The following TENM3 variants were observed in gnomAD, a reference collection of about 807,000 sequenced individuals.
The protein encoded by TENM3 is teneurin transmembrane protein 3.
In TENM3, 63 loss-of-function variants were observed where a neutral mutation model predicts 255.1. The observed-to-expected ratio is 0.25, with a 90% CI of 0.20 to 0.30. TENM3 has a LOEUF of 0.30. TENM3 is among the 10% of genes least tolerant of loss of function. The pLI, the probability that TENM3 is intolerant of heterozygous loss-of-function variation, is 1.00. For synonymous variants in TENM3, 1,306 were observed against 1,322.3 expected (o/e 0.99, Z 0.27); for missense variants, 2,929 against 3,461.1 (o/e 0.85, Z 3.86).
At chr4:182,389,263 G>A (rs1205774421) in intron 3 of TENM3, among the ~76,000 whole-genome samples, 1 of 151,906 alleles carries the variant, frequency 6.6e-6, no homozygotes, top group Non-Finnish European at 1.5e-5. Context: ...CCCACCAGCT[G>A]CCCTTTCCAC....
chr4:182,385,328 G>A (rs891305567), intron 3 of TENM3, among the ~76,000 whole-genome samples: 2 of 132,700 alleles, frequency 1.5e-5, no homozygotes, highest in African/African-American at 5.6e-5. Flanking sequence ...GCAGAGGCAC[G>A]ATCTCCACTC....
chr4:182,297,028 T>C (rs1761539166), intron 1 of TENM3, among the ~76,000 whole-genome samples: 1 of 152,224 alleles, frequency 6.6e-6, no homozygotes, highest in Non-Finnish European at 1.5e-5. Context: ...CCATATTTTA[T>C]AGTTAATCTC....
chr4:182,244,009 AGTGGC>A (rs1055823292), intron 1 of TENM3, among the ~76,000 whole-genome samples: 3 of 130,328 alleles, frequency 2.3e-5, no homozygotes, highest in African/African-American at 9.1e-5. Flanking sequence ...GCTGGAGTGC[AGTGGC>A]GTGACCTCGG....
At chr4:182,050,435 T>C in the TENM3 span, among the ~76,000 whole-genome samples, 11 of 152,218 alleles carry the variant, frequency 7.2e-5, no homozygotes, top group African/African-American at 2.7e-4. Flanking sequence ...CAGTGATTCA[T>C]GATACAGCAA....
chr4:181,617,106 C>G, the TENM3 span, among the ~76,000 whole-genome samples: 1 of 152,110 alleles, frequency 6.6e-6, no homozygotes, highest in South Asian at 2.1e-4. Context: ...CACCAATCTT[C>G]ACAAAATTAT....
At chr4:182,034,179 T>G in the TENM3 span, among the ~76,000 whole-genome samples, 1 of 152,138 alleles carries the variant, frequency 6.6e-6, no homozygotes, top group South Asian at 2.1e-4. Context: ...AAGAACAGCA[T>G]GGGGGAGGCC....
intron 3 of TENM3, among the ~76,000 whole-genome samples, chr4:182,434,223 G>C (rs1030813123): frequency 6.6e-6 from 1 of 152,154 alleles, no homozygotes; most frequent in African/African-American, 2.4e-5. Flanking sequence ...ATTGAACATG[G>C]TGAGGACCGG....
the TENM3 span, among the ~76,000 whole-genome samples, chr4:181,939,952 A>G: frequency 6.6e-6 from 1 of 152,200 alleles, no homozygotes; most frequent in Non-Finnish European, 1.5e-5. Flanking sequence ...CTTTCAAAAT[A>G]TCGTGACAAG....
At chr4:181,509,714 G>A in the TENM3 span, among the ~76,000 whole-genome samples, 1 of 152,192 alleles carries the variant, frequency 6.6e-6, no homozygotes, top group Non-Finnish European at 1.5e-5. Flanking sequence ...TAGGGAGGAA[G>A]GAATTTACGG....
In TENM3 at chr4:182,630,053, A is replaced by G. The variant is rs139545033; in HGVS notation, c.988+1164A>G. On this transcript the variant is annotated intron_variant, in intron 5 of 27. Transcript: ENST00000511685. ...AGCACTTTCTCTCCTTAACCCGATT[A>G]CATGCTGCTTATCTTCATCAGAGTG... is the stretch of plus-strand genomic sequence containing the variant. Among the ~76,000 whole-genome samples, 400 of 152,278 alleles carry G rather than the reference A, an allele frequency of 2.6e-3. 2 individuals carry two copies. Among genetic ancestry groups the G allele is most frequent in the African/African-American group, 9.2e-3 (384 of 41,562 alleles).
chr4:182,016,384 A>G, the TENM3 span, among the ~76,000 whole-genome samples: 1 of 152,212 alleles, frequency 6.6e-6, no homozygotes, highest in Non-Finnish European at 1.5e-5. Flanking sequence ...TCTTGTTAGC[A>G]TGGCAAGTCT....
chr4:182,349,657 AT>A (rs1273970464), intron 3 of TENM3, among the ~76,000 whole-genome samples: 26 of 152,170 alleles, frequency 1.7e-4, no homozygotes, highest in Non-Finnish European at 3.8e-4. Context: ...ACTAATTCAC[AT>A]TTTTACCTAT....
intron 12 of TENM3, among the ~76,000 whole-genome samples, chr4:182,690,202 G>C (rs1436779074): frequency 6.6e-6 from 1 of 152,144 alleles, no homozygotes; most frequent in Non-Finnish European, 1.5e-5. Flanking sequence ...TTGTTGCATT[G>C]GAGCTTCCCG....
At chr4:182,145,346 A>T (rs1749882452) in intron 1 of TENM3, 1 of 151,706 alleles carries the variant, frequency 6.6e-6, no homozygotes, top group Admixed American at 6.6e-5. Flanking sequence ...TGATCGGGAA[A>T]CTCTGGATGG....
At chr4:181,738,583 T>G in the TENM3 span, among the ~76,000 whole-genome samples, 42 of 152,264 alleles carry the variant, frequency 2.8e-4, no homozygotes, top group Non-Finnish European at 5.0e-4. Flanking sequence ...ATTTCTAAGA[T>G]GTAGTGTTTT....
At chr4:182,246,851 A>C (rs1757686770) in intron 1 of TENM3, among the ~76,000 whole-genome samples, 2 of 152,218 alleles carry the variant, frequency 1.3e-5, no homozygotes, top group African/African-American at 4.8e-5. Flanking sequence ...ATAACTAAAC[A>C]AAGAAGATAA....
the TENM3 span, among the ~76,000 whole-genome samples, chr4:181,817,778 G>A: frequency 3.3e-5 from 5 of 152,100 alleles, no homozygotes; most frequent in African/African-American, 9.7e-5. Flanking sequence ...TTCACCAGAC[G>A]CCAACCTGCT....
the TENM3 span, among the ~76,000 whole-genome samples, chr4:181,828,371 C>T: frequency 6.6e-6 from 1 of 152,172 alleles, no homozygotes; most frequent in African/African-American, 2.4e-5. Context: ...ATTCCTTCTT[C>T]TTTCTTTCAA....
chr4:182,569,427 G>T (rs1744127910), intron 3 of TENM3, among the ~76,000 whole-genome samples: 1 of 152,042 alleles, frequency 6.6e-6, no homozygotes, highest in South Asian at 2.1e-4. Flanking sequence ...GGTGACATGT[G>T]CCTGTAATCC....
Sources: gnomAD v4.1 joint callset for allele counts (sites outside exome capture counted in the v4.1 genomes callset) on GRCh38, gnomAD v4.1.1 for gene constraint, MANE v1.5 for transcripts, NCBI Gene and HGNC (gene_info 2026-07-23, HGNC 2026-07-21) for gene names.